ZNF106: variants seen among roughly 807,000 people sequenced by gnomAD.
ZNF106 encodes zinc finger protein 106.
ZNF106 carries 67 observed loss-of-function variants against 195.1 expected under a neutral mutation model. That is an observed-to-expected ratio of 0.34 (90% CI 0.28 to 0.42). The LOEUF (loss-of-function observed/expected upper bound fraction) is 0.42. Among genes scored for constraint, ZNF106 ranks in the 10% least tolerant of loss-of-function variants. The probability of loss-of-function intolerance (pLI) is 1.00; values close to 1 mark genes in which losing one functional copy is unlikely to be tolerated. For synonymous variants in ZNF106, 784 were observed against 818.6 expected (o/e 0.96, Z 0.72); for missense variants, 2,118 against 2,304.5 (o/e 0.92, Z 1.66).
chr15:42,424,558 T>C, intron 16 of ZNF106: 2 of 374,448 alleles, frequency 5.3e-6, no homozygotes, highest in South Asian at 8.4e-5. Flanking sequence ...CAATCATGGC[T>C]CACTGCAGCC....
At position 42,439,800 on chromosome 15, in the gene ZNF106, G is replaced by T; in HGVS notation, c.3777C>A (p.Asp1259Glu). Residue 1259 changes from aspartate (D) to glutamate (E), a missense_variant, in exon 11 of 22, where the codon GAC becomes GAA. Coordinates refer to ENST00000564754, the MANE Select transcript of ZNF106 (RefSeq NM_001366845.3). ...TGATGACTGGATAAACTGGACAACT[G>T]TCACTGATCTCTCCTGAATTGAGAG... ...ELLEANREISDSCPVYPVITA... is the reference protein window; with the variant it reads ...ELLEANREISESCPVYPVITA... 1 of 1,555,690 alleles carries T rather than the reference G, an allele frequency of 6.4e-7. No homozygotes were observed.
chr15:42,428,377 T>C (rs2054932063), intron 14 of ZNF106, among the ~76,000 whole-genome samples: 1 of 152,252 alleles, frequency 6.6e-6, no homozygotes, highest in South Asian at 2.1e-4. Flanking sequence ...GTTTCTAACT[T>C]AGAATGTAGA....
intron 2 of ZNF106, among the ~76,000 whole-genome samples, chr15:42,471,143 CCATTT>C (rs2056657086): frequency 6.6e-6 from 1 of 152,178 alleles, no homozygotes; most frequent in South Asian, 2.1e-4. Flanking sequence ...ATACTCCATT[CCATTT>C]GTCTCTGTAC....
At chr15:42,490,067 A>T (rs954067155) in intron 1 of ZNF106, among the ~76,000 whole-genome samples, 3 of 151,604 alleles carry the variant, frequency 2.0e-5, no homozygotes, top group African/African-American at 7.3e-5. Context: ...AAAAATAAAT[A>T]AAAATACAAA....
chr15:42,476,190 T>C (rs2056782398), intron 1 of ZNF106, among the ~76,000 whole-genome samples: 2 of 152,182 alleles, frequency 1.3e-5, no homozygotes, highest in East Asian at 3.8e-4. Flanking sequence ...ATTCAATCGA[T>C]AAGGAAGATT....
intron 1 of ZNF106, among the ~76,000 whole-genome samples, chr15:42,489,467 G>A (rs989250536): frequency 3.3e-5 from 5 of 151,850 alleles, no homozygotes; most frequent in Admixed American, 2.0e-4. Flanking sequence ...GTGAGCCATC[G>A]CGCCTGGCCC....
At chr15:42,454,174 G>T (rs2056149304) in intron 4 of ZNF106, among the ~76,000 whole-genome samples, 1 of 152,128 alleles carries the variant, frequency 6.6e-6, no homozygotes, top group South Asian at 2.1e-4. Context: ...ACACAAATTG[G>T]AACTTCTTCC....
chr15:42,421,355 G>A (rs1219108699), intron 19 of ZNF106, among the ~76,000 whole-genome samples: 1 of 152,176 alleles, frequency 6.6e-6, no homozygotes, highest in Admixed American at 6.5e-5. Flanking sequence ...GGGCAGAGAG[G>A]AGTGGCAGGG....
chr15:42,439,346 C>T lies in ZNF106; in HGVS notation c.4231G>A (p.Gly1411Arg). 1 of 1,614,050 alleles carries T rather than the reference C, an allele frequency of 6.2e-7. No homozygotes were observed. Among genetic ancestry groups the T allele is most frequent in the Non-Finnish European group, 8.5e-7 (1 of 1,180,032 alleles). ...ACTTTCCCCCCTTTAATTAACTTTCCAGCTTTTACTTTCCTTACAGGTTTA... is the reference window on the plus strand; with the variant it reads ...ACTTTCCCCCCTTTAATTAACTTTCTAGCTTTTACTTTCCTTACAGGTTTA... ...TVKPVRKVKA[G>R]KLIKGGKVTT... Residue 1411 changes from glycine to arginine, a missense_variant, in exon 11 of 22, where the codon GGA becomes AGA. Transcript: ENST00000564754.
At chr15:42,459,236 GAGGCCGAGGCGGATGGATCACCTGAGGTC>G (rs2056324991) in intron 3 of ZNF106, among the ~76,000 whole-genome samples, 1 of 152,092 alleles carries the variant, frequency 6.6e-6, no homozygotes, top group African/African-American at 2.4e-5. Flanking sequence ...AGCACTTTGG[GAGGCCGAGGCGGATGGATCACCTGAGGTC>G]AGGAGTTTGA....
intron 4 of ZNF106, among the ~76,000 whole-genome samples, chr15:42,455,629 G>A (rs2056201010): frequency 6.6e-6 from 1 of 152,074 alleles, no homozygotes; most frequent in Non-Finnish European, 1.5e-5. Flanking sequence ...TAAAGCCCTG[G>A]CCTCGTCTCC....
rs756910453 is a variant in ZNF106 at position 42,450,891 on chromosome 15, G to C, written c.1381C>G (p.Pro461Ala). 6.2e-7 allele frequency: 1 copy of C among 1,614,196 alleles called. No homozygotes were observed. Among genetic ancestry groups the C allele is most frequent in the Non-Finnish European group, 8.5e-7 (1 of 1,180,038 alleles). The part of the protein sequence containing the change: ...VVRQCPTAEK[P>A]EQEHTPNKMP... ...TTATTTGGTGTATGCTCTTGTTCAG[G>C]TTTTTCTGCAGTGGGGCACTGTCTC... Residue 461 changes from proline to alanine, a missense_variant, in exon 5 of 22, where the codon CCT (proline) becomes GCT (alanine). Pro to Ala is a conservative substitution (Grantham distance 27). Coordinates refer to ENST00000564754, the MANE Select transcript of ZNF106 (RefSeq NM_001366845.3).
At chr15:42,437,834 GA>G (rs1219370646) in intron 12 of ZNF106, among the ~76,000 whole-genome samples, 2 of 150,288 alleles carry the variant, frequency 1.3e-5, no homozygotes, top group African/African-American at 2.5e-5. Flanking sequence ...CTTGAACCCA[GA>G]GGCAGAGGTT....
At chr15:42,484,517 T>A (rs1342544736) in intron 1 of ZNF106, among the ~76,000 whole-genome samples, 1 of 151,526 alleles carries the variant, frequency 6.6e-6, no homozygotes, top group Non-Finnish European at 1.5e-5. Flanking sequence ...ATCCCAGTAC[T>A]TTGGGAGGCT....
chr15:42,459,314 A>G (rs1202696310), intron 3 of ZNF106, among the ~76,000 whole-genome samples: 1 of 151,958 alleles, frequency 6.6e-6, no homozygotes, highest in Non-Finnish European at 1.5e-5. Flanking sequence ...CGTCTCTACT[A>G]AAAATACAAA....
intron 1 of ZNF106, among the ~76,000 whole-genome samples, chr15:42,483,395 C>A (rs754148265): frequency 6.6e-6 from 1 of 152,082 alleles, no homozygotes; most frequent in African/African-American, 2.4e-5. Flanking sequence ...CTCCATCATG[C>A]GATGGAGTAG....
rs569342012 is a variant in ZNF106, at chr15:42,460,488, G to A, written c.117-3330C>T. Among the ~76,000 whole-genome samples the A allele has an allele frequency of 1.6e-4, 24 of 152,312 alleles. No individual in the cohort carries two copies. In the South Asian group the frequency reaches 2.9e-3, roughly 18 times the overall value. On this transcript the variant is annotated intron_variant, in intron 3 of 21. Coordinates refer to ENST00000564754, the MANE Select transcript of ZNF106 (RefSeq NM_001366845.3). ...ACCATTTTGCAATCCTAGTGAGAAA[G>A]AATATAACCATAGTTCCAAAATTAT...
intron 12 of ZNF106, 137 bp from the exon 13 acceptor site, chr15:42,437,514 G>C (rs1180187960): frequency 3.0e-6 from 3 of 994,252 alleles, no homozygotes; most frequent in Admixed American, 3.0e-5. Flanking sequence ...TCCCCTATCA[G>C]ACTACTACAA....
At position 42,417,809 on chromosome 15, in the gene ZNF106, T is replaced by C. The variant is rs1208277468; in HGVS notation, c.5660A>G (p.Lys1887Arg). The C allele has an allele frequency of 3.7e-6, 6 of 1,613,392 alleles. No individual in the cohort carries two copies. The highest frequency in any genetic ancestry group is 2.2e-5 in the East Asian group (1 of 44,854). Residue 1887 changes from lysine to arginine, a missense_variant, in exon 21 of 22, where the codon AAA (lysine) becomes AGA (arginine). Lys to Arg is a conservative substitution (Grantham distance 26). Coordinates refer to ENST00000564754, the MANE Select transcript of ZNF106 (RefSeq NM_001366845.3). ...DAFFTARKGSKQDAAGHIERH... is the reference protein window; with the variant it reads ...DAFFTARKGSRQDAAGHIERH... ...CCTCAAGTCCCACTAATGTACCTGTTTGGATCCTTTCCTAGCAGTGAAAAA... is the reference window on the plus strand; with the variant it reads ...CCTCAAGTCCCACTAATGTACCTGTCTGGATCCTTTCCTAGCAGTGAAAAA...
Sources: allele counts gnomAD v4.1 joint callset (sites outside exome capture counted in the v4.1 genomes callset), GRCh38; gene constraint gnomAD v4.1.1; transcripts MANE v1.5; gene names NCBI Gene and HGNC (gene_info 2026-07-23, HGNC 2026-07-21).